The following IPCEF1 variants were observed in gnomAD, a reference collection of about 807,000 sequenced individuals.
IPCEF1 encodes the protein interaction protein for cytohesin exchange factors 1, also known as interactor protein for cytohesin exchange factors 1.
A neutral mutation model predicts 50.9 loss-of-function variants in IPCEF1; 31 were observed. The observed-to-expected ratio is 0.61, with a 90% CI of 0.46 to 0.82. IPCEF1 has a LOEUF of 0.82. Among genes scored for constraint, IPCEF1 ranks in the 40% least tolerant of loss-of-function variants. The pLI is 0.00. For missense variants in IPCEF1, 458 were observed against 514.0 expected, an observed-to-expected ratio of 0.89 and a Z score of 1.05; for synonymous variants, 181 against 192.0, an observed-to-expected ratio of 0.94 and a Z score of 0.47.
intron 1 of IPCEF1, among the ~76,000 whole-genome samples, chr6:154,290,352 G>A (rs1031111294): frequency 2.0e-5 from 3 of 152,188 alleles, no homozygotes. Flanking sequence ...ATCAGGGTAG[G>A]AGAGACAGAA....
chr6:154,213,722 G>A (rs1778150269), intron 8 of IPCEF1, among the ~76,000 whole-genome samples: 1 of 152,134 alleles, frequency 6.6e-6, no homozygotes, highest in Non-Finnish European at 1.5e-5. Context: ...GACTCCTGTA[G>A]CTTTTGAACC....
At chr6:154,254,453 T>C (rs1455128890) in intron 3 of IPCEF1, among the ~76,000 whole-genome samples, 1 of 152,136 alleles carries the variant, frequency 6.6e-6, no homozygotes, top group African/African-American at 2.4e-5. Context: ...CCAGATCTTG[T>C]GAAAACTCAC....
rs1241250621 is a variant in IPCEF1 at position 154,180,414 on chromosome 6, A to ATATT, written c.911-12302_911-12301insAATA. ...TATATATATATATATATATATATATATTTTTTTTTTAAACATGATCCTTCT... is the reference window on the plus strand; with the variant it reads ...TATATATATATATATATATATATATATATTTTTTTTTTTTAAACATGATCCTTCT... On this transcript the variant is annotated intron_variant, in intron 10 of 11. Coordinates refer to ENST00000367220, the MANE Select transcript of IPCEF1 (RefSeq NM_001130700.2). Among the ~76,000 whole-genome samples the ATATT allele has an allele frequency of 1.2e-3, 76 of 65,242 alleles. 1 individual carries two copies. Among genetic ancestry groups the ATATT allele is most frequent in the South Asian group, 2.3e-3 (6 of 2,558 alleles). 42.8% of individuals were successfully genotyped at this position (65,242 alleles called of 152,430 possible). A position where few individuals can be genotyped will look rare whatever the true frequency, so the allele number is the denominator to read the frequency against.
chr6:154,257,819 C>A (rs963071700), intron 3 of IPCEF1, among the ~76,000 whole-genome samples: 1 of 152,066 alleles, frequency 6.6e-6, no homozygotes, highest in African/African-American at 2.4e-5. Flanking sequence ...CCCACCGCAG[C>A]CTTCCAAGTA....
chr6:154,243,969 T>G (rs566645929), intron 5 of IPCEF1, among the ~76,000 whole-genome samples: 7 of 152,282 alleles, frequency 4.6e-5, no homozygotes, highest in African/African-American at 1.7e-4. Context: ...AACAGGTGGC[T>G]CTTCCTAAGA....
chr6:154,246,797 C>A (rs199565541), intron 4 of IPCEF1, 37 bp from the exon 5 acceptor site: 21 of 1,600,284 alleles, frequency 1.3e-5, no homozygotes, highest in Admixed American at 1.7e-5. Context: ...TAATGTATTA[C>A]CCTGATTTGG....
chr6:154,261,541 A>G (rs1026563757), intron 3 of IPCEF1, among the ~76,000 whole-genome samples: 30 of 152,180 alleles, frequency 2.0e-4, no homozygotes, highest in African/African-American at 7.2e-4. Flanking sequence ...GAACCGATAG[A>G]ACTTGGTGGA....
At chr6:154,160,149 A>C in intron 11 of IPCEF1, 109 bp from the exon 12 acceptor site, 1 of 828,116 alleles carries the variant, frequency 1.2e-6, no homozygotes, top group Non-Finnish European at 1.9e-6. Context: ...AAATTACCAA[A>C]GCATTTTTGC....
chr6:154,234,629 A>G (rs569896696), intron 5 of IPCEF1, among the ~76,000 whole-genome samples: 3 of 152,366 alleles, frequency 2.0e-5, no homozygotes, highest in Non-Finnish European at 2.9e-5. Flanking sequence ...GTGGTGACCA[A>G]GAAGTGGCTG....
At chr6:154,234,307 T>C (rs1274459316) in intron 5 of IPCEF1, among the ~76,000 whole-genome samples, 1 of 152,204 alleles carries the variant, frequency 6.6e-6, no homozygotes, top group East Asian at 1.9e-4. Context: ...CCCAGAAGGA[T>C]GAAGCTTTGG....
intron 9 of IPCEF1, among the ~76,000 whole-genome samples, chr6:154,208,526 A>T (rs1777693108): frequency 1.3e-5 from 2 of 152,120 alleles, no homozygotes; most frequent in Admixed American, 1.3e-4. Context: ...GTCTCCCTCA[A>T]CTAGAGGTTT....
intron 1 of IPCEF1, among the ~76,000 whole-genome samples, chr6:154,327,452 A>C (rs1279356485): frequency 6.6e-6 from 1 of 152,196 alleles, no homozygotes; most frequent in East Asian, 1.9e-4. Flanking sequence ...GTGGCCAAAA[A>C]ACATATGGGG....
At chr6:154,328,227 G>GA (rs981244318) in intron 1 of IPCEF1, among the ~76,000 whole-genome samples, 2 of 151,882 alleles carry the variant, frequency 1.3e-5, no homozygotes, top group African/African-American at 4.8e-5. Context: ...CTTAAAAGTT[G>GA]AAAAAAATAC....
intron 5 of IPCEF1, among the ~76,000 whole-genome samples, chr6:154,245,577 T>C (rs1780964819): frequency 6.6e-6 from 1 of 152,256 alleles, no homozygotes; most frequent in Non-Finnish European, 1.5e-5. Flanking sequence ...AGTTACATGA[T>C]GTACAGCTCT....
chr6:154,196,931 T>C (rs1769994510), intron 10 of IPCEF1, among the ~76,000 whole-genome samples: 1 of 152,216 alleles, frequency 6.6e-6, no homozygotes, highest in Non-Finnish European at 1.5e-5. Flanking sequence ...ACAATTTTAA[T>C]TGCATACTAA....
intron 1 of IPCEF1, among the ~76,000 whole-genome samples, chr6:154,300,090 G>T (rs1409509655): frequency 7.1e-6 from 1 of 140,804 alleles, no homozygotes; most frequent in Non-Finnish European, 1.6e-5. Flanking sequence ...GACTGCGAAC[G>T]GTGTTTTGTC....
At chr6:154,184,240 CT>C (rs1801143438) in intron 10 of IPCEF1, among the ~76,000 whole-genome samples, 1 of 151,974 alleles carries the variant, frequency 6.6e-6, no homozygotes, top group Non-Finnish European at 1.5e-5. Flanking sequence ...TGTAATAGCA[CT>C]GGCATATAAA....
intron 1 of IPCEF1, among the ~76,000 whole-genome samples, chr6:154,345,140 G>A (rs559104105): frequency 5.3e-5 from 8 of 152,344 alleles, no homozygotes; most frequent in Non-Finnish European, 1.0e-4. Context: ...AAAGTGCTGG[G>A]ATTACAGGCA....
rs570949466 is a variant in IPCEF1, at chr6:154,275,908, A to C, written c.-17-9944T>G. ...AAATATCATTTTAGGGGCCGGGCAC[A>C]GTGACTCACGCCTGTAATCCTAGCA... is the stretch of plus-strand genomic sequence containing the variant. On this transcript the variant is annotated intron_variant, in intron 2 of 11. Transcript: ENST00000367220. Among the ~76,000 whole-genome samples the C allele has an allele frequency of 5.9e-5, 9 of 152,168 alleles. No homozygotes were observed. The East Asian group carries it at 1.4e-3, about 23-fold the overall frequency.
Sources: gnomAD v4.1 joint callset for allele counts (sites outside exome capture counted in the v4.1 genomes callset) on GRCh38, gnomAD v4.1.1 for gene constraint, MANE v1.5 for transcripts, NCBI Gene and HGNC (gene_info 2026-07-23, HGNC 2026-07-21) for gene names.